Variants in PCDH15 observed in about 807,000 individuals in gnomAD.
The protein encoded by PCDH15 is protocadherin related 15, also known as protocadherin-15.
Under a neutral mutation model 178.5 loss-of-function variants are expected in PCDH15, and 129 were observed. That is an observed-to-expected ratio of 0.72 (90% CI 0.63 to 0.84). PCDH15 has a LOEUF of 0.84. PCDH15 is among the 40% of genes least tolerant of loss of function. The probability of loss-of-function intolerance (pLI) is 0.00; values close to 1 mark genes in which losing one functional copy is unlikely to be tolerated. For synonymous variants in PCDH15, 800 were observed against 732.0 expected, an observed-to-expected ratio of 1.09 and a Z score of -1.50; for missense variants, 2,230 against 2,099.9, an observed-to-expected ratio of 1.06 and a Z score of -1.21.
intron 1 of PCDH15, among the ~76,000 whole-genome samples, chr10:55,288,720 A>C (rs753392578): frequency 2.0e-5 from 3 of 152,076 alleles, no homozygotes; most frequent in Middle Eastern, 3.4e-3. Context: ...CTTTTTGGTA[A>C]ATACCGAATA....
chr10:55,386,277 A>T (rs1192733216), intron 2 of PCDH15, among the ~76,000 whole-genome samples: 1 of 152,038 alleles, frequency 6.6e-6, no homozygotes, highest in Non-Finnish European at 1.5e-5. Context: ...ATAAAAGAAG[A>T]TAATATGAAA....
At chr10:55,217,832 A>G (rs1310628616) in intron 1 of PCDH15, among the ~76,000 whole-genome samples, 2 of 151,960 alleles carry the variant, frequency 1.3e-5, no homozygotes, top group Admixed American at 6.6e-5. Flanking sequence ...CAAGGGGTGA[A>G]CTGCTGGAAA....
At chr10:54,041,001 A>C (rs901019804) in intron 18 of PCDH15, among the ~76,000 whole-genome samples, 1 of 152,128 alleles carries the variant, frequency 6.6e-6, no homozygotes, top group African/African-American at 2.4e-5. Flanking sequence ...CTATTTAAAG[A>C]AGTCCTGAAG....
At chr10:53,916,439 G>A (rs1359658117) in intron 25 of PCDH15, among the ~76,000 whole-genome samples, 3 of 152,004 alleles carry the variant, frequency 2.0e-5, no homozygotes, top group Admixed American at 6.6e-5. Flanking sequence ...TGTTTTCATT[G>A]GTACTGCCAA....
intron 2 of PCDH15, among the ~76,000 whole-genome samples, chr10:54,562,980 T>C (rs1316632717): frequency 6.6e-6 from 1 of 152,114 alleles, no homozygotes; most frequent in Non-Finnish European, 1.5e-5. Context: ...TTAGGAGCAA[T>C]ACGGAACACT....
At chr10:54,314,380 C>T (rs921117913) in intron 8 of PCDH15, among the ~76,000 whole-genome samples, 5 of 152,030 alleles carry the variant, frequency 3.3e-5, no homozygotes, top group African/African-American at 1.2e-4. Flanking sequence ...AGAGCAAACC[C>T]ACCCTCTTGT....
intron 21 of PCDH15, among the ~76,000 whole-genome samples, chr10:53,991,378 A>G (rs2134803442): frequency 6.6e-6 from 1 of 152,200 alleles, no homozygotes; most frequent in African/African-American, 2.4e-5. Flanking sequence ...TGCACCAATC[A>G]GCACTCTGTA....
chr10:53,867,040 T>G (rs1016160202), intron 26 of PCDH15, among the ~76,000 whole-genome samples, 183 bp from the exon 27 acceptor site: 2 of 152,070 alleles, frequency 1.3e-5, no homozygotes, highest in African/African-American at 4.8e-5. Flanking sequence ...GTCCACAGTT[T>G]CGAATGGTTG....
chr10:55,271,531 T>C (rs1006091176), intron 1 of PCDH15, among the ~76,000 whole-genome samples: 1 of 152,096 alleles, frequency 6.6e-6, no homozygotes, highest in African/African-American at 2.4e-5. Context: ...GCTATCAACA[T>C]TTTCATATTT....
At chr10:55,256,333 T>G (rs1429605693) in intron 1 of PCDH15, among the ~76,000 whole-genome samples, 2 of 152,108 alleles carry the variant, frequency 1.3e-5, no homozygotes, top group African/African-American at 4.8e-5. Flanking sequence ...CATTTCCAAC[T>G]GAGGTACCGG....
chr10:55,090,869 G>A (rs916971380), intron 2 of PCDH15, among the ~76,000 whole-genome samples: 3 of 151,540 alleles, frequency 2.0e-5, no homozygotes, highest in Non-Finnish European at 4.4e-5. Context: ...AGTTGCTAAG[G>A]CATTCTAAAG....
At chr10:54,986,861 G>C (rs535338133) in intron 2 of PCDH15, among the ~76,000 whole-genome samples, 1 of 152,112 alleles carries the variant, frequency 6.6e-6, no homozygotes, top group African/African-American at 2.4e-5. Flanking sequence ...GAGTTATCAA[G>C]CAATAATCTA....
chr10:53,972,450 A>C (rs4512739), intron 21 of PCDH15, among the ~76,000 whole-genome samples: 107,283 of 152,072 alleles, frequency 0.71, 38,230 homozygotes, highest in East Asian at 0.87. Context: ...GATCTAATTA[A>C]ACTAAAGAGC....
intron 2 of PCDH15, among the ~76,000 whole-genome samples, chr10:55,481,330 T>C (rs140277829): frequency 1.3e-5 from 2 of 151,950 alleles, no homozygotes; most frequent in Non-Finnish European, 1.5e-5. Context: ...TGTCCCTGTC[T>C]CCTTCAGTTC....
Position 55,463,894 on chromosome 10 carries a change from A to G in PCDH15, c.-156+163731T>C, listed in dbSNP as rs992562710. Among the ~76,000 whole-genome samples, 5 of 133,952 alleles carry G rather than the reference A, an allele frequency of 3.7e-5. 1 individual carries two copies. Among genetic ancestry groups the G allele is most frequent in the Admixed American group, 8.1e-5 (1 of 12,400 alleles). The allele number at this position is 133,952 out of a possible 152,430, so 87.9% of individuals were successfully genotyped here. A position where few individuals can be genotyped will look rare whatever the true frequency, so the allele number is the denominator to read the frequency against. The stretch of plus-strand genomic sequence containing the variant: ...GAAAGAGAGAGAGAAAGAGAGGGAG[A>G]GAGAGAGAAAGAAAGAAAGAAAGAA... On this transcript the variant is annotated intron_variant, in intron 2 of 5. Transcript: ENST00000613346.
intron 2 of PCDH15, among the ~76,000 whole-genome samples, chr10:55,034,877 AAT>A (rs1840697287): frequency 6.6e-6 from 1 of 152,124 alleles, no homozygotes; most frequent in Non-Finnish European, 1.5e-5. Flanking sequence ...ACTTCATATA[AAT>A]ATCTAACATT....
intron 25 of PCDH15, among the ~76,000 whole-genome samples, chr10:53,925,858 A>G (rs2084497177): frequency 6.6e-6 from 1 of 152,132 alleles, no homozygotes; most frequent in African/African-American, 2.4e-5. Context: ...TTCTCACTTA[A>G]GCCTCATTAT....
chr10:55,582,630 T>TATATATA (rs1564465801), intron 2 of PCDH15, among the ~76,000 whole-genome samples: 16 of 100,190 alleles, frequency 1.6e-4, no homozygotes, highest in South Asian at 1.5e-3. Flanking sequence ...ATATATATAT[T>TATATATA]TTTTTTTTTT....
chr10:54,410,925 C>T (rs1953397886), intron 3 of PCDH15, among the ~76,000 whole-genome samples: 1 of 152,078 alleles, frequency 6.6e-6, no homozygotes, highest in Non-Finnish European at 1.5e-5. Flanking sequence ...TGCTCAATAG[C>T]TGACTCTGCA....
Sources: gnomAD v4.1 joint callset for allele counts (sites outside exome capture counted in the v4.1 genomes callset) on GRCh38, gnomAD v4.1.1 for gene constraint, MANE v1.5 for transcripts, NCBI Gene and HGNC (gene_info 2026-07-23, HGNC 2026-07-21) for gene names.